The following FHAD1 variants were observed in gnomAD, a reference collection of about 807,000 sequenced individuals.
The protein encoded by FHAD1 is forkhead associated phosphopeptide binding domain 1.
FHAD1 carries 146 observed loss-of-function variants against 191.3 expected under a neutral mutation model. The observed-to-expected ratio is 0.76, with a 90% CI of 0.67 to 0.88. The LOEUF is 0.88. Among genes scored for constraint, FHAD1 ranks in the 40% least tolerant of loss-of-function variants. The probability of loss-of-function intolerance (pLI) is 0.00; values close to 1 mark genes in which losing one functional copy is unlikely to be tolerated. For synonymous variants in FHAD1, 616 were observed against 672.3 expected (o/e 0.92, Z 1.29); for missense variants, 1,635 against 1,785.8 (o/e 0.92, Z 1.52).
rs1700917206 is a variant in FHAD1 at position 15,381,600 on chromosome 1, G to A, written c.4022+149G>A. On this transcript the variant is annotated intron_variant, in intron 30 of 33. Transcript: ENST00000688493. This position sits in a 1 kb window ranked among gnomAD's most constrained non-coding sequence, Gnocchi z 4.6. ...GCAATGTCAGAAGGGGACCAGGGAG[G>A]GCACTGACTAGGCCTGGTAGAGGGA... 2 of 649,850 alleles carry A rather than the reference G, an allele frequency of 3.1e-6. No individual in the cohort carries two copies. The highest frequency in any genetic ancestry group is 5.3e-6 in the Non-Finnish European group (2 of 374,690). The allele number at this position is 649,850 out of a possible 1,614,324, so 40.3% of individuals were successfully genotyped here.
chr1:15,308,363 G>A (rs1671193749), intron 6 of FHAD1, among the ~76,000 whole-genome samples: 1 of 152,194 alleles, frequency 6.6e-6, no homozygotes, highest in Non-Finnish European at 1.5e-5. Flanking sequence ...GGTGTCCCCA[G>A]TGGCAGCCAG....
intron 25 of FHAD1, among the ~76,000 whole-genome samples, chr1:15,368,827 A>G (rs1697291417): frequency 6.6e-6 from 1 of 152,200 alleles, no homozygotes; most frequent in African/African-American, 2.4e-5. Context: ...TGTCCCAGCT[A>G]TCTGGGAGGC....
chr1:15,386,087 C>A (rs1702029595), intron 31 of FHAD1, among the ~76,000 whole-genome samples: 1 of 152,190 alleles, frequency 6.6e-6, no homozygotes, highest in African/African-American at 2.4e-5. Context: ...CACCTCTGTC[C>A]CTGAGTGAGC....
At chr1:15,248,899 T>G (rs1646427002) in intron 1 of FHAD1, among the ~76,000 whole-genome samples, 1 of 152,036 alleles carries the variant, frequency 6.6e-6, no homozygotes, top group Non-Finnish European at 1.5e-5. Flanking sequence ...GAGATGACAT[T>G]TTTATCATAA....
At chr1:15,305,999 G>A (rs1455303515) in intron 6 of FHAD1, among the ~76,000 whole-genome samples, 1 of 152,196 alleles carries the variant, frequency 6.6e-6, no homozygotes, top group Non-Finnish European at 1.5e-5. Context: ...AGTTTGGAGG[G>A]CTCAGAAGAA....
chr1:15,281,401 G>T (rs979452904), intron 3 of FHAD1, among the ~76,000 whole-genome samples: 1 of 152,134 alleles, frequency 6.6e-6, no homozygotes, highest in Non-Finnish European at 1.5e-5. Flanking sequence ...GTTCCATGTG[G>T]ATTTTGTATT....
intron 23 of FHAD1, among the ~76,000 whole-genome samples, chr1:15,363,336 C>T (rs1488812515): frequency 6.6e-6 from 1 of 152,174 alleles, no homozygotes; most frequent in East Asian, 1.9e-4. Context: ...CTTCGTGACC[C>T]AATCGCTTTA....
At chr1:15,372,604 A>G (rs1251749637) in intron 26 of FHAD1, among the ~76,000 whole-genome samples, 3 of 152,206 alleles carry the variant, frequency 2.0e-5, no homozygotes, top group African/African-American at 7.2e-5. Flanking sequence ...GCTACCATTC[A>G]ATAGATAGAT....
At chr1:15,388,375 G>A (rs753843961) in intron 32 of FHAD1, 77 of 930,234 alleles carry the variant, frequency 8.3e-5, no homozygotes, top group South Asian at 6.5e-4. Flanking sequence ...CAGTTTGAAC[G>A]GATGACCTAA....
chr1:15,249,052 G>A (rs1289884246), intron 1 of FHAD1, among the ~76,000 whole-genome samples: 6 of 152,180 alleles, frequency 3.9e-5, no homozygotes, highest in Non-Finnish European at 8.8e-5. Flanking sequence ...AACCCATGGA[G>A]AATTGAGTTT....
intron 4 of FHAD1, among the ~76,000 whole-genome samples, chr1:15,295,634 C>CATATATATATATATATAT (rs34586844): frequency 2.0e-5 from 3 of 150,416 alleles, no homozygotes; most frequent in African/African-American, 7.3e-5. Context: ...TCTCTCTAAA[C>CATATATATATATATATAT]ATATATATAT....
intron 14 of FHAD1, among the ~76,000 whole-genome samples, chr1:15,337,780 A>G (rs922731093): frequency 2.4e-4 from 36 of 151,932 alleles, no homozygotes; most frequent in African/African-American, 8.7e-4. Flanking sequence ...AAAAAAAACA[A>G]CGCTCTTCAT....
At chr1:15,328,544 T>G (rs1165532896) in intron 13 of FHAD1, 115 bp downstream of exon 13, 14 of 890,574 alleles carry the variant, frequency 1.6e-5, no homozygotes, top group Non-Finnish European at 2.2e-5. Flanking sequence ...TTGGCTTTTC[T>G]ATCCACTTTT....
chr1:15,291,523 C>G (rs993900778), intron 4 of FHAD1, among the ~76,000 whole-genome samples: 43 of 152,310 alleles, frequency 2.8e-4, no homozygotes, highest in Admixed American at 7.8e-4. Context: ...ATACCATTAA[C>G]TGGAGTTCAA....
chr1:15,261,044 T>C (rs981748046), intron 2 of FHAD1, among the ~76,000 whole-genome samples: 1 of 152,116 alleles, frequency 6.6e-6, no homozygotes, highest in African/African-American at 2.4e-5. Context: ...TTCAGAGGAA[T>C]CAGTAGGGTC....
intron 19 of FHAD1, among the ~76,000 whole-genome samples, chr1:15,350,534 TG>T (rs755347402): frequency 1.3e-5 from 2 of 151,982 alleles, no homozygotes; most frequent in Non-Finnish European, 2.9e-5. Flanking sequence ...CAGGGCGCAG[TG>T]GAAGGAAATA....
Position 15,308,752 on chromosome 1 carries a change from C to CG in FHAD1, c.1039+19dup. 1.9e-6 allele frequency: 3 copies of CG among 1,551,372 alleles called. No homozygotes were observed. Among genetic ancestry groups the CG allele is most frequent in the Non-Finnish European group, 1.7e-6 (2 of 1,146,862 alleles). ...ATCACATCAGGTGAGCCCTTGGAGT[C>CG]GGGCCTGGGAGCTGCCACTCCCGCA... is the stretch of plus-strand genomic sequence containing the variant. On this transcript the variant is annotated intron_variant, in intron 7 of 33. Transcript: ENST00000688493.
intron 18 of FHAD1, among the ~76,000 whole-genome samples, chr1:15,348,794 G>A (rs1349096690): frequency 6.6e-6 from 1 of 152,112 alleles, no homozygotes; most frequent in African/African-American, 2.4e-5. Context: ...GACAAAGGGT[G>A]TGGCTCTGGG....
At chr1:15,294,476 C>G (rs1247610709) in intron 4 of FHAD1, among the ~76,000 whole-genome samples, 1 of 152,128 alleles carries the variant, frequency 6.6e-6, no homozygotes, top group Non-Finnish European at 1.5e-5. Flanking sequence ...TCACTGCAAC[C>G]TCTACCTCCC....
Sources: allele counts gnomAD v4.1 joint callset (sites outside exome capture counted in the v4.1 genomes callset), GRCh38; gene constraint gnomAD v4.1.1; non-coding constraint Gnocchi (gnomAD v3.1); transcripts MANE v1.5; gene names NCBI Gene and HGNC (gene_info 2026-07-23, HGNC 2026-07-21).